BMPER: variants seen among roughly 807,000 people sequenced by gnomAD.
BMPER encodes the protein BMP-binding endothelial regulator protein.
Under a neutral mutation model 87.3 loss-of-function variants are expected in BMPER, and 45 were observed. That is an observed-to-expected ratio of 0.52 (90% CI 0.41 to 0.66). The LOEUF is 0.66. Ranked by LOEUF, BMPER falls within the 30% of genes least tolerant of loss-of-function variation. The pLI is 0.00. For synonymous variants in BMPER, 326 were observed against 316.2 expected, an observed-to-expected ratio of 1.03 and a Z score of -0.33; for missense variants, 784 against 867.5, an observed-to-expected ratio of 0.90 and a Z score of 1.21.
At chr7:33,966,118 C>A (rs958118100) in intron 3 of BMPER, among the ~76,000 whole-genome samples, 1 of 152,162 alleles carries the variant, frequency 6.6e-6, no homozygotes, top group Admixed American at 6.5e-5. Context: ...AATTTAATCT[C>A]ATGTAAGATC....
In BMPER at chr7:34,155,398, C is replaced by T. The variant is rs369710342; in HGVS notation, c.*2125C>T. 43 of 152,140 alleles carry T rather than the reference C, an allele frequency of 2.8e-4. No individual in the cohort carries two copies. The highest frequency in any genetic ancestry group is 1.0e-3 in the African/African-American group (42 of 41,504). The allele number at this position is 152,140 out of a possible 1,614,324, so 9.4% of individuals were successfully genotyped here. On this transcript the variant is annotated 3_prime_UTR_variant, in exon 15 of 15. Transcript: ENST00000649409. The stretch of plus-strand genomic sequence containing the variant: ...CATCCAAGGACTGAGTTATTCTCCC[C>T]ATGAGGCTAACCGGCCTCTTTCCCA...
chr7:34,023,769 T>C (rs1192397198), intron 6 of BMPER, among the ~76,000 whole-genome samples: 2 of 152,094 alleles, frequency 1.3e-5, no homozygotes, highest in Non-Finnish European at 2.9e-5. Flanking sequence ...ATTTGAAGTG[T>C]TCCAAGTTGT....
At chr7:33,939,665 A>C (rs939061324) in intron 3 of BMPER, among the ~76,000 whole-genome samples, 3 of 152,134 alleles carry the variant, frequency 2.0e-5, no homozygotes, top group Non-Finnish European at 4.4e-5. Context: ...TGGTTTTATA[A>C]GGGGCTCTTC....
At chr7:33,910,352 GA>G (rs1783928298) in intron 2 of BMPER, among the ~76,000 whole-genome samples, 1 of 152,194 alleles carries the variant, frequency 6.6e-6, no homozygotes, top group African/African-American at 2.4e-5. Context: ...GTACAGCTGA[GA>G]AGAGAGCCAG....
chr7:34,005,087 G>T (rs2127937570), intron 6 of BMPER, among the ~76,000 whole-genome samples: 1 of 152,204 alleles, frequency 6.6e-6, no homozygotes, highest in East Asian at 1.9e-4. Context: ...GGTTAGGACA[G>T]AGTGACTCTG....
At position 34,143,220 on chromosome 7, in the gene BMPER, G is replaced by T. The variant is rs747007801; in HGVS notation, c.1746-10G>T. ...TTTAAATGTTTCTATCTCTCTTTTGGGTCCTATAGGTCCTGTGTGACAGAC... is the reference window on the plus strand; with the variant it reads ...TTTAAATGTTTCTATCTCTCTTTTGTGTCCTATAGGTCCTGTGTGACAGAC... On this transcript the variant is annotated splice_polypyrimidine_tract_variant and intron_variant, in intron 13 of 14. Coordinates refer to ENST00000649409, the MANE Select transcript of BMPER (RefSeq NM_001365308.1). 7 of 1,613,552 alleles carry T rather than the reference G, an allele frequency of 4.3e-6. No homozygotes were observed. Among genetic ancestry groups the T allele is most frequent in the Non-Finnish European group, 3.4e-6 (4 of 1,179,782 alleles).
intron 14 of BMPER, among the ~76,000 whole-genome samples, chr7:34,144,539 C>T (rs139332855): frequency 6.6e-6 from 1 of 151,328 alleles, no homozygotes; most frequent in African/African-American, 2.4e-5. Context: ...CTGATGGTGG[C>T]TTGAATTAAG....
At chr7:34,145,629 AC>A (rs1790997336) in intron 14 of BMPER, among the ~76,000 whole-genome samples, 1 of 152,108 alleles carries the variant, frequency 6.6e-6, no homozygotes, top group Non-Finnish European at 1.5e-5. Context: ...CCTTGAATTT[AC>A]TGGAAAAATG....
At chr7:33,929,861 T>A (rs746157836) in intron 2 of BMPER, among the ~76,000 whole-genome samples, 1 of 152,242 alleles carries the variant, frequency 6.6e-6, no homozygotes, top group Non-Finnish European at 1.5e-5. Flanking sequence ...ATGTCAGGTG[T>A]TATTATTCTT....
intron 4 of BMPER, among the ~76,000 whole-genome samples, chr7:33,969,184 T>C (rs1030777960): frequency 6.6e-5 from 10 of 152,136 alleles, no homozygotes; most frequent in African/African-American, 2.4e-4. Flanking sequence ...GTTGTTAATT[T>C]GTTATATTTG....
intron 13 of BMPER, among the ~76,000 whole-genome samples, chr7:34,096,790 G>C (rs1475611161): frequency 6.6e-6 from 1 of 152,142 alleles, no homozygotes; most frequent in Non-Finnish European, 1.5e-5. Context: ...ATCTTTTCTA[G>C]ATTAATGGTC....
intron 13 of BMPER, among the ~76,000 whole-genome samples, chr7:34,098,192 T>C (rs1789581659): frequency 6.6e-6 from 1 of 152,054 alleles, no homozygotes; most frequent in Non-Finnish European, 1.5e-5. Context: ...AACTTTTAGA[T>C]GAATTATCCA....
intron 2 of BMPER, among the ~76,000 whole-genome samples, chr7:33,920,683 C>T (rs572288952): frequency 6.6e-6 from 1 of 151,966 alleles, no homozygotes; most frequent in Non-Finnish European, 1.5e-5. Flanking sequence ...CTTGGCCCCC[C>T]CAAAGTGCTG....
At chr7:34,016,983 T>G (rs1363079257) in intron 6 of BMPER, among the ~76,000 whole-genome samples, 1 of 151,836 alleles carries the variant, frequency 6.6e-6, no homozygotes, top group South Asian at 2.1e-4. Context: ...CAGAAGGAAT[T>G]TGGGGGACAT....
rs941992229 is a variant in BMPER, at chr7:34,036,654, C to T, written c.577-9652C>T. 3.9e-5 allele frequency among the ~76,000 whole-genome samples: 6 copies of T among 152,208 alleles called. No homozygotes were observed. In the South Asian group the frequency reaches 1.2e-3, roughly 32 times the overall value. On this transcript the variant is annotated intron_variant, in intron 6 of 14. Coordinates refer to ENST00000649409, the MANE Select transcript of BMPER (RefSeq NM_001365308.1). ...CAGAGCTTTGCCTCTCCTCTCGGTT[C>T]CCAGGGCATTTGTTTAGAGATCTCA...
chr7:34,100,466 G>A (rs557465518), intron 13 of BMPER, among the ~76,000 whole-genome samples: 6 of 152,232 alleles, frequency 3.9e-5, no homozygotes, highest in East Asian at 1.9e-4. Flanking sequence ...TACTGCATTC[G>A]TGCACCTCCA....
At chr7:33,998,607 A>T (rs933167020) in intron 6 of BMPER, among the ~76,000 whole-genome samples, 1 of 152,106 alleles carries the variant, frequency 6.6e-6, no homozygotes, top group African/African-American at 2.4e-5. Flanking sequence ...CTTCAAACAA[A>T]CCTCTCCCGT....
intron 13 of BMPER, among the ~76,000 whole-genome samples, chr7:34,140,687 CA>C (rs1790842090): frequency 6.6e-6 from 1 of 152,158 alleles, no homozygotes; most frequent in Non-Finnish European, 1.5e-5. Context: ...AATTTATCTT[CA>C]ATTGTGTAAA....
At chr7:34,069,687 A>T (rs1788688695) in intron 11 of BMPER, among the ~76,000 whole-genome samples, 1 of 152,154 alleles carries the variant, frequency 6.6e-6, no homozygotes, top group African/African-American at 2.4e-5. Context: ...TTTGCCAGTT[A>T]CTTTCTTTTA....
Sources: allele counts gnomAD v4.1 joint callset (sites outside exome capture counted in the v4.1 genomes callset), GRCh38; gene constraint gnomAD v4.1.1; transcripts MANE v1.5; gene names NCBI Gene and HGNC (gene_info 2026-07-23, HGNC 2026-07-21).